PRKCQ: variants seen among roughly 807,000 people sequenced by gnomAD.
The protein encoded by PRKCQ is protein kinase C theta.
A neutral mutation model predicts 91.2 loss-of-function variants in PRKCQ; 41 were observed. The ratio of observed to expected loss-of-function variants is 0.45; its 90% CI spans 0.35 to 0.58. The LOEUF is 0.58. PRKCQ is among the 20% of genes least tolerant of loss of function. PRKCQ has a pLI of 0.00. For missense variants in PRKCQ, 673 were observed against 896.5 expected, an observed-to-expected ratio of 0.75 and a Z score of 3.18; for synonymous variants, 307 against 316.9, an observed-to-expected ratio of 0.97 and a Z score of 0.33.
At chr10:6,459,560 C>T (rs150806289) in intron 14 of PRKCQ, among the ~76,000 whole-genome samples, 100 of 152,170 alleles carry the variant, frequency 6.6e-4, no homozygotes, top group African/African-American at 2.3e-3. Context: ...GTCTTTTTTT[C>T]CAAATGTAAT....
chr10:6,435,158 C>T (rs985861679), intron 16 of PRKCQ, among the ~76,000 whole-genome samples: 7 of 152,230 alleles, frequency 4.6e-5, no homozygotes, highest in South Asian at 2.1e-4. Context: ...AGTGTCCCCA[C>T]TGGAATTCTT....
intron 1 of PRKCQ, among the ~76,000 whole-genome samples, chr10:6,579,017 C>G (rs1841347417): frequency 6.6e-6 from 1 of 152,218 alleles, no homozygotes; most frequent in South Asian, 2.1e-4. Flanking sequence ...AAAAGAGCAA[C>G]GGAGTGGACC....
chr10:6,541,174 AC>A (rs771935063), intron 1 of PRKCQ, among the ~76,000 whole-genome samples: 1 of 152,054 alleles, frequency 6.6e-6, no homozygotes, highest in African/African-American at 2.4e-5. Context: ...ACTAACTAAA[AC>A]CCCGGAGTCC....
chr10:6,509,752 T>C (rs1057508497), intron 3 of PRKCQ, among the ~76,000 whole-genome samples: 2 of 152,214 alleles, frequency 1.3e-5, no homozygotes, highest in African/African-American at 4.8e-5. Flanking sequence ...GCTGAGTAGA[T>C]ACTGCCCAAC....
At chr10:6,532,255 C>A (rs1839423146) in intron 1 of PRKCQ, among the ~76,000 whole-genome samples, 1 of 152,098 alleles carries the variant, frequency 6.6e-6, no homozygotes, top group African/African-American at 2.4e-5. Flanking sequence ...TTAAAAGGGG[C>A]TTTTCTATAT....
At chr10:6,558,974 G>T (rs926566663) in intron 1 of PRKCQ, among the ~76,000 whole-genome samples, 6 of 152,210 alleles carry the variant, frequency 3.9e-5, no homozygotes, top group Non-Finnish European at 7.3e-5. Context: ...GACATGTGCT[G>T]CCGTTAAAAG....
At chr10:6,541,696 T>G (rs1056118703) in intron 1 of PRKCQ, among the ~76,000 whole-genome samples, 5 of 152,146 alleles carry the variant, frequency 3.3e-5, no homozygotes, top group Admixed American at 3.3e-4. Context: ...CTTTTTATCT[T>G]TTTTTTAACA....
chr10:6,412,781 T>C, the PRKCQ span, among the ~76,000 whole-genome samples: 2 of 152,176 alleles, frequency 1.3e-5, no homozygotes, highest in African/African-American at 4.8e-5. Context: ...ATGTGCACAC[T>C]GGTATAGCGT....
chr10:6,400,631 G>GAAAAA, the PRKCQ span, among the ~76,000 whole-genome samples: 2 of 136,272 alleles, frequency 1.5e-5, no homozygotes. Flanking sequence ...CTTCCTTTCA[G>GAAAAA]AAAAAAAAAA....
At chr10:6,408,675 A>G in the PRKCQ span, among the ~76,000 whole-genome samples, 7 of 152,114 alleles carry the variant, frequency 4.6e-5, 1 homozygote, top group African/African-American at 1.7e-4. Flanking sequence ...TGCTTTAGAG[A>G]GAGTATTCTG....
At chr10:6,489,714 G>A (rs1455056041) in intron 8 of PRKCQ, among the ~76,000 whole-genome samples, 1 of 152,004 alleles carries the variant, frequency 6.6e-6, no homozygotes, top group East Asian at 1.9e-4. Flanking sequence ...GGGCAGGGGA[G>A]GGAGAGGAGA....
downstream of PRKCQ, among the ~76,000 whole-genome samples, chr10:6,425,391 A>AT (rs767030402): frequency 6.6e-6 from 1 of 151,840 alleles, no homozygotes; most frequent in African/African-American, 2.4e-5. Context: ...TGCTCAGCTA[A>AT]TTTTTTGTAT....
chr10:6,428,570 A>G (rs898856877), intron 17 of PRKCQ, among the ~76,000 whole-genome samples: 1 of 152,176 alleles, frequency 6.6e-6, no homozygotes, highest in African/African-American at 2.4e-5. Context: ...ATAATAATAT[A>G]AATTCATAAA....
At chr10:6,559,752 T>A (rs1840553539) in intron 1 of PRKCQ, among the ~76,000 whole-genome samples, 2 of 152,218 alleles carry the variant, frequency 1.3e-5, no homozygotes, top group Non-Finnish European at 2.9e-5. Context: ...CATTTAATAA[T>A]CTAAAAACAG....
intron 1 of PRKCQ, among the ~76,000 whole-genome samples, chr10:6,567,410 T>C (rs1212911864): frequency 3.9e-5 from 6 of 152,374 alleles, no homozygotes; most frequent in East Asian, 1.9e-4. Context: ...CGGATGGAGA[T>C]GCAATTTGGG....
chr10:6,547,893 C>A (rs1356592301), intron 1 of PRKCQ, among the ~76,000 whole-genome samples: 20 of 148,930 alleles, frequency 1.3e-4, no homozygotes, highest in East Asian at 3.9e-4. Context: ...GGATCTAATT[C>A]AACTAAAGAG....
chr10:6,469,851 GA>G (rs1189607462), intron 12 of PRKCQ, among the ~76,000 whole-genome samples: 2 of 151,984 alleles, frequency 1.3e-5, no homozygotes, highest in Non-Finnish European at 2.9e-5. Flanking sequence ...ACTGAGCAAT[GA>G]AAAATGAGTT....
the PRKCQ span, among the ~76,000 whole-genome samples, chr10:6,420,723 G>A: frequency 6.6e-6 from 1 of 152,164 alleles, no homozygotes; most frequent in Admixed American, 6.5e-5. Context: ...CCAGTGTCTT[G>A]TAACTTTGTT....
chr10:6,420,081 C>T, the PRKCQ span, among the ~76,000 whole-genome samples: 1,350 of 152,026 alleles, frequency 8.9e-3, 13 homozygotes, highest in African/African-American at 0.031. Context: ...CTCTGCCTCC[C>T]GGGTTCAAGT....
Sources: allele counts gnomAD v4.1 joint callset (sites outside exome capture counted in the v4.1 genomes callset), GRCh38; gene constraint gnomAD v4.1.1; transcripts MANE v1.5; gene names NCBI Gene and HGNC (gene_info 2026-07-23, HGNC 2026-07-21).